The following BBS9 variants were observed in gnomAD, a reference collection of about 807,000 sequenced individuals.
BBS9 encodes protein PTHB1.
Under a neutral mutation model 117.7 loss-of-function variants are expected in BBS9, and 89 were observed. The observed-to-expected ratio is 0.76, with a 90% CI of 0.64 to 0.90. BBS9 has a LOEUF of 0.90. BBS9 is among the 40% of genes least tolerant of loss of function. The pLI is 0.00. For missense variants in BBS9, 982 were observed against 1,042.2 expected (o/e 0.94, Z 0.80); for synonymous variants, 379 against 370.9 (o/e 1.02, Z -0.25).
At chr7:33,439,156 C>G (rs1425492746) in intron 19 of BBS9, among the ~76,000 whole-genome samples, 1 of 152,170 alleles carries the variant, frequency 6.6e-6, no homozygotes, top group Non-Finnish European at 1.5e-5. Flanking sequence ...TAGTTTTTTT[C>G]CCTGGGCCAG....
intron 5 of BBS9, among the ~76,000 whole-genome samples, chr7:33,227,570 A>G (rs1791528238): frequency 6.6e-6 from 1 of 152,104 alleles, no homozygotes; most frequent in South Asian, 2.1e-4. Flanking sequence ...GCTGAGCAGT[A>G]TACAGTGTAC....
chr7:33,457,550 T>C (rs1838824113), intron 19 of BBS9, among the ~76,000 whole-genome samples: 1 of 152,142 alleles, frequency 6.6e-6, no homozygotes, highest in East Asian at 1.9e-4. Flanking sequence ...TGTTGAGAGA[T>C]CAGATACCTT....
chr7:33,520,208 T>G (rs62449368), intron 20 of BBS9, among the ~76,000 whole-genome samples: 1,655 of 152,072 alleles, frequency 0.011, 21 homozygotes, highest in Non-Finnish European at 0.02. Flanking sequence ...AAAACGAGGG[T>G]TCACCGTCTT....
Position 33,357,908 on chromosome 7 carries a change from C to G in BBS9, c.1606C>G (p.Leu536Val). 6.2e-7 allele frequency: 1 copy of G among 1,612,028 alleles called. No homozygotes were observed. The highest frequency in any genetic ancestry group is 8.5e-7 in the Non-Finnish European group (1 of 1,178,436). ...KFRLPLKLIC[L>V]PGQPSKTASH... ...TAGACTTCCCCTAAAGTTAATTTGCCTACCAGGTCAGCCTTCAAAAACTGC... is the reference window on the plus strand; with the variant it reads ...TAGACTTCCCCTAAAGTTAATTTGCGTACCAGGTCAGCCTTCAAAAACTGC... Residue 536 changes from leucine (L) to valine (V), a missense_variant, in exon 16 of 23, where the codon CTA becomes GTA. Physicochemically the swap from Leu to Val is conservative, Grantham distance 32. Coordinates refer to ENST00000242067, the MANE Select transcript of BBS9 (RefSeq NM_198428.3).
At chr7:33,207,721 T>A (rs543932591) in intron 5 of BBS9, among the ~76,000 whole-genome samples, 1 of 152,308 alleles carries the variant, frequency 6.6e-6, no homozygotes, top group South Asian at 2.1e-4. Flanking sequence ...CTAGAAAATA[T>A]GTGCATGTAT....
chr7:33,609,737 T>G (rs1227341747), downstream of BBS9, among the ~76,000 whole-genome samples: 1 of 152,122 alleles, frequency 6.6e-6, no homozygotes, highest in African/African-American at 2.4e-5. Flanking sequence ...TAGAACATGC[T>G]TATTTAGTGA....
At chr7:33,511,917 A>G (rs1244676821) in intron 20 of BBS9, among the ~76,000 whole-genome samples, 2 of 152,218 alleles carry the variant, frequency 1.3e-5, no homozygotes, top group East Asian at 3.8e-4. Flanking sequence ...ATGGCTAATC[A>G]TTGCCGTTAT....
chr7:33,265,304 G>A (rs1798624722), intron 7 of BBS9, among the ~76,000 whole-genome samples: 2 of 152,124 alleles, frequency 1.3e-5, no homozygotes, highest in African/African-American at 4.8e-5. Context: ...AACTTGGAAA[G>A]AGTCAAGAAT....
At chr7:33,568,030 T>G (rs1172217541) in intron 21 of BBS9, among the ~76,000 whole-genome samples, 1 of 152,200 alleles carries the variant, frequency 6.6e-6, no homozygotes, top group African/African-American at 2.4e-5. Flanking sequence ...TTTTTATACT[T>G]CAGAACACAT....
intron 5 of BBS9, among the ~76,000 whole-genome samples, chr7:33,191,048 A>T (rs1004038245): frequency 2.0e-5 from 3 of 152,106 alleles, no homozygotes; most frequent in African/African-American, 4.8e-5. Flanking sequence ...TTCCAGAGAG[A>T]GTGAGGTGGC....
At chr7:33,391,235 A>G (rs1251482679) in intron 19 of BBS9, among the ~76,000 whole-genome samples, 1 of 152,180 alleles carries the variant, frequency 6.6e-6, no homozygotes, top group African/African-American at 2.4e-5. Context: ...ATAACAAGCC[A>G]TGCTAGAGTC....
intron 20 of BBS9, among the ~76,000 whole-genome samples, chr7:33,517,290 T>C (rs2129035987): frequency 6.6e-6 from 1 of 152,376 alleles, no homozygotes; most frequent in South Asian, 2.1e-4. Context: ...AAGTAGGCAG[T>C]GGTAGCACAT....
At chr7:33,475,616 A>C (rs1841694712) in intron 19 of BBS9, among the ~76,000 whole-genome samples, 1 of 152,098 alleles carries the variant, frequency 6.6e-6, no homozygotes, top group Non-Finnish European at 1.5e-5. Context: ...AAAAAAAAAA[A>C]AGTTTGAAAT....
chr7:33,464,638 T>C (rs1426201785), intron 19 of BBS9, among the ~76,000 whole-genome samples: 1 of 151,930 alleles, frequency 6.6e-6, no homozygotes, highest in African/African-American at 2.4e-5. Context: ...GATTGTTCTG[T>C]TAGGTTGTAA....
intron 9 of BBS9, among the ~76,000 whole-genome samples, chr7:33,298,385 T>C (rs1373428780): frequency 2.0e-5 from 3 of 152,116 alleles, no homozygotes; most frequent in African/African-American, 4.8e-5. Flanking sequence ...ATTTTGGGGA[T>C]TGGATAAGTT....
chr7:33,441,460 A>G lies in BBS9; in HGVS notation c.2115+53316A>G, dbSNP rs1836168961. 2.0e-5 allele frequency among the ~76,000 whole-genome samples: 3 copies of G among 152,200 alleles called. No individual in the cohort carries two copies. The South Asian group carries it at 6.2e-4, about 32-fold the overall frequency. On this transcript the variant is annotated intron_variant, in intron 19 of 22. Coordinates refer to ENST00000242067, the MANE Select transcript of BBS9 (RefSeq NM_198428.3). Reference sequence around the variant, plus strand: ...GTTCATTGTTTTAATTCATCTATTCATAAAATGAAAATCACAATAATACCT... The same window carrying G: ...GTTCATTGTTTTAATTCATCTATTCGTAAAATGAAAATCACAATAATACCT...
intron 19 of BBS9, chr7:33,390,308 A>T: frequency 1.0e-6 from 1 of 985,188 alleles, no homozygotes; most frequent in South Asian, 4.7e-5. Flanking sequence ...GATTTTCTAT[A>T]TAGTAAGACT....
chr7:33,574,540 A>G (rs1858380683), intron 21 of BBS9, among the ~76,000 whole-genome samples: 1 of 152,068 alleles, frequency 6.6e-6, no homozygotes, highest in African/African-American at 2.4e-5. Flanking sequence ...CACAGACAAG[A>G]ATATGTCTCC....
intron 21 of BBS9, among the ~76,000 whole-genome samples, chr7:33,534,557 C>T (rs1453632846): frequency 1.3e-5 from 2 of 152,160 alleles, no homozygotes; most frequent in African/African-American, 4.8e-5. Flanking sequence ...CTAATGTAAT[C>T]CAGATGAGTC....
Sources: allele counts gnomAD v4.1 joint callset (sites outside exome capture counted in the v4.1 genomes callset), GRCh38; gene constraint gnomAD v4.1.1; transcripts MANE v1.5; gene names NCBI Gene and HGNC (gene_info 2026-07-23, HGNC 2026-07-21).